RCAN2: variants seen among roughly 807,000 people sequenced by gnomAD.
RCAN2 encodes the protein calcipressin-2.
Under a neutral mutation model 23.6 loss-of-function variants are expected in RCAN2, and 9 were observed. The observed-to-expected ratio is 0.38, with a 90% CI of 0.23 to 0.67. RCAN2 has a LOEUF of 0.67. RCAN2 is among the 30% of genes least tolerant of loss of function. RCAN2 has a pLI of 0.51. For missense variants in RCAN2, 273 were observed against 302.3 expected (o/e 0.90, Z 0.72); for synonymous variants, 109 against 115.7 (o/e 0.94, Z 0.37).
At chr6:46,232,051 G>A (rs1765911721) in intron 4 of RCAN2, among the ~76,000 whole-genome samples, 1 of 152,178 alleles carries the variant, frequency 6.6e-6, no homozygotes. Flanking sequence ...TCTGATACAA[G>A]CAAGCTGATG....
At chr6:46,335,387 C>A (rs1320432812) in intron 2 of RCAN2, among the ~76,000 whole-genome samples, 1 of 152,198 alleles carries the variant, frequency 6.6e-6, no homozygotes, top group African/African-American at 2.4e-5. Context: ...ACCAATGCCT[C>A]TCTTTTTCCT....
intron 2 of RCAN2, among the ~76,000 whole-genome samples, chr6:46,287,214 TCA>T (rs1303941772): frequency 6.6e-6 from 1 of 152,174 alleles, no homozygotes; most frequent in Non-Finnish European, 1.5e-5. Flanking sequence ...TTTGACTTGT[TCA>T]CAGAGTGACT....
At position 46,222,920 on chromosome 6, in the gene RCAN2, T is replaced by C; in HGVS notation, c.*221A>G. The C allele has an allele frequency of 5.6e-6, 3 of 533,854 alleles. No homozygotes were observed. Among genetic ancestry groups the C allele is most frequent in the Non-Finnish European group, 1.0e-5 (3 of 299,348 alleles). 33.1% of individuals were successfully genotyped at this position (533,854 alleles called of 1,614,324 possible). On this transcript the variant is annotated 3_prime_UTR_variant, in exon 5 of 5. Transcript: ENST00000371374. ...GTTTAATAAGAAAATACTACTTTTT[T>C]CCCTAGAACCTTCTAAATAATGGGT...
intron 4 of RCAN2, among the ~76,000 whole-genome samples, chr6:46,229,822 G>T (rs1262676579): frequency 2.0e-5 from 3 of 152,228 alleles, no homozygotes; most frequent in Non-Finnish European, 4.4e-5. Context: ...TGCTGGTGAG[G>T]AGCTGCGTTC....
intron 2 of RCAN2, among the ~76,000 whole-genome samples, chr6:46,359,323 G>A (rs548152098): frequency 5.9e-5 from 9 of 152,294 alleles, no homozygotes; most frequent in East Asian, 3.9e-4. Flanking sequence ...ACAGCTTTTC[G>A]ACAGTTCCGG....
At chr6:46,350,257 A>T (rs1289360539) in intron 2 of RCAN2, among the ~76,000 whole-genome samples, 2 of 152,192 alleles carry the variant, frequency 1.3e-5, no homozygotes, top group African/African-American at 4.8e-5. Context: ...TGGAGTAAAA[A>T]TCTCATATTG....
chr6:46,453,948 A>ATCAT (rs1247534640), intron 2 of RCAN2, among the ~76,000 whole-genome samples: 1 of 152,256 alleles, frequency 6.6e-6, no homozygotes, highest in Non-Finnish European at 1.5e-5. Flanking sequence ...AAGGCTAAGC[A>ATCAT]TCATTTCTGA....
At chr6:46,395,510 T>C (rs1304264145) in intron 2 of RCAN2, among the ~76,000 whole-genome samples, 2 of 152,234 alleles carry the variant, frequency 1.3e-5, no homozygotes, top group African/African-American at 4.8e-5. Context: ...ATAACACATC[T>C]AATAGTAATT....
intron 4 of RCAN2, among the ~76,000 whole-genome samples, chr6:46,238,082 G>C (rs140286629): frequency 1.3e-5 from 2 of 152,254 alleles, no homozygotes; most frequent in African/African-American, 4.8e-5. Context: ...GGGATAGTTT[G>C]TTATGTGGCA....
chr6:46,389,742 G>A (rs1160321128), intron 2 of RCAN2, among the ~76,000 whole-genome samples: 3 of 152,174 alleles, frequency 2.0e-5, no homozygotes, highest in Admixed American at 1.3e-4. Context: ...TAGCCCGCTT[G>A]AGGCTGCTCA....
chr6:46,350,440 G>T (rs550548973), intron 2 of RCAN2, among the ~76,000 whole-genome samples: 1 of 152,314 alleles, frequency 6.6e-6, no homozygotes, highest in African/African-American at 2.4e-5. Flanking sequence ...ACGAAGGCAG[G>T]TTCTCCTGGG....
intron 2 of RCAN2, among the ~76,000 whole-genome samples, chr6:46,258,507 T>C (rs9296481): frequency 0.77 from 117,900 of 152,204 alleles, 45,969 homozygotes; most frequent in Non-Finnish European, 0.81. Context: ...CAAGAAAAGA[T>C]AGCTTGCTGG....
intron 2 of RCAN2, among the ~76,000 whole-genome samples, chr6:46,385,955 G>T (rs1230166869): frequency 2.0e-5 from 3 of 151,036 alleles, no homozygotes; most frequent in Admixed American, 2.0e-4. Flanking sequence ...CAGGACATAG[G>T]CATGGGCAAA....
At chr6:46,453,714 G>A (rs979837332) in intron 2 of RCAN2, among the ~76,000 whole-genome samples, 1 of 152,156 alleles carries the variant, frequency 6.6e-6, no homozygotes, top group Non-Finnish European at 1.5e-5. Context: ...AAATAGAGAA[G>A]AGAATGCTGC....
chr6:46,300,709 G>A (rs1269050233), intron 2 of RCAN2, among the ~76,000 whole-genome samples: 2 of 151,968 alleles, frequency 1.3e-5, no homozygotes, highest in African/African-American at 4.8e-5. Flanking sequence ...ATGTTGGACT[G>A]ACAGCTGCAT....
At chr6:46,456,175 T>C (rs2150432283) in intron 2 of RCAN2, among the ~76,000 whole-genome samples, 1 of 152,288 alleles carries the variant, frequency 6.6e-6, no homozygotes, top group South Asian at 2.1e-4. Flanking sequence ...TCATTTCAAA[T>C]TGAGGAGTTG....
intron 4 of RCAN2, among the ~76,000 whole-genome samples, chr6:46,239,352 C>CT (rs1766219408): frequency 6.6e-6 from 1 of 152,134 alleles, no homozygotes. Flanking sequence ...CCTTTGTAAC[C>CT]TTTTTTCTCT....
At chr6:46,408,116 G>T (rs1021395845) in intron 2 of RCAN2, among the ~76,000 whole-genome samples, 2 of 152,146 alleles carry the variant, frequency 1.3e-5, no homozygotes, top group African/African-American at 4.8e-5. Flanking sequence ...CTGGAATCAC[G>T]AATATTTTAT....
At chr6:46,462,416 G>T (rs940892533) in intron 1 of RCAN2, among the ~76,000 whole-genome samples, 1 of 152,108 alleles carries the variant, frequency 6.6e-6, no homozygotes, top group Non-Finnish European at 1.5e-5. Context: ...GAGGGTTTGC[G>T]ACCATTTCAT....
Sources: allele counts gnomAD v4.1 joint callset (sites outside exome capture counted in the v4.1 genomes callset), GRCh38; gene constraint gnomAD v4.1.1; transcripts MANE v1.5; gene names NCBI Gene and HGNC (gene_info 2026-07-23, HGNC 2026-07-21).